The following LRRC1 variants were observed in gnomAD, a reference collection of about 807,000 sequenced individuals.
The protein encoded by LRRC1 is leucine-rich repeat-containing protein 1.
LRRC1 carries 28 observed loss-of-function variants against 69.9 expected under a neutral mutation model. That is an observed-to-expected ratio of 0.40 (90% CI 0.30 to 0.55). LRRC1 has a LOEUF of 0.55. Ranked by LOEUF, LRRC1 falls within the 20% of genes least tolerant of loss-of-function variation. LRRC1 has a pLI of 0.47. For synonymous variants in LRRC1, 236 were observed against 240.2 expected (o/e 0.98, Z 0.16); for missense variants, 498 against 609.0 (o/e 0.82, Z 1.92).
chr6:53,841,262 A>C (rs1765781223), intron 1 of LRRC1, among the ~76,000 whole-genome samples: 1 of 152,218 alleles, frequency 6.6e-6, no homozygotes, highest in Non-Finnish European at 1.5e-5. Context: ...AGAATATGGC[A>C]GTTTAACTGT....
chr6:53,874,264 G>A (rs1766992857), intron 2 of LRRC1, among the ~76,000 whole-genome samples: 2 of 151,948 alleles, frequency 1.3e-5, no homozygotes, highest in African/African-American at 4.8e-5. Flanking sequence ...TTATAAAAGG[G>A]CTACAGCCGA....
At chr6:53,824,129 T>G (rs923376670) in intron 1 of LRRC1, among the ~76,000 whole-genome samples, 4 of 152,156 alleles carry the variant, frequency 2.6e-5, no homozygotes, top group Non-Finnish European at 5.9e-5. Context: ...TGTTCCTTTT[T>G]TTTTTTTACA....
intron 1 of LRRC1, among the ~76,000 whole-genome samples, chr6:53,818,034 C>T (rs1765002669): frequency 6.6e-6 from 1 of 152,174 alleles, no homozygotes; most frequent in Non-Finnish European, 1.5e-5. Flanking sequence ...GACATGAATA[C>T]AGCACAAAAG....
chr6:53,896,798 C>T (rs756832989), intron 5 of LRRC1, 31 bp from the exon 6 acceptor site: 2 of 1,404,134 alleles, frequency 1.4e-6, no homozygotes, highest in East Asian at 2.3e-5. Flanking sequence ...TAAGTATTCT[C>T]TAAGTGCTCT....
intron 1 of LRRC1, among the ~76,000 whole-genome samples, chr6:53,807,977 C>T (rs1764683302): frequency 1.3e-5 from 2 of 152,170 alleles, no homozygotes; most frequent in Admixed American, 1.3e-4. Context: ...GAGCCCTTGG[C>T]ATGGGCAGTA....
intron 1 of LRRC1, among the ~76,000 whole-genome samples, chr6:53,800,155 A>G (rs1022837333): frequency 1.3e-5 from 2 of 152,190 alleles, no homozygotes; most frequent in Non-Finnish European, 2.9e-5. Context: ...GTAAAGCACT[A>G]AAAGTGTCAG....
intron 1 of LRRC1, among the ~76,000 whole-genome samples, chr6:53,832,881 A>T (rs1765469441): frequency 6.6e-6 from 1 of 152,176 alleles, no homozygotes. Context: ...TACTGTACAT[A>T]TATACAATTT....
intron 2 of LRRC1, among the ~76,000 whole-genome samples, chr6:53,853,275 G>A (rs1766197901): frequency 6.9e-6 from 1 of 144,684 alleles, no homozygotes; most frequent in Non-Finnish European, 1.5e-5. Context: ...AATAACAGGT[G>A]GTTCATATTT....
intron 4 of LRRC1, among the ~76,000 whole-genome samples, chr6:53,886,088 C>T (rs1244710782): frequency 6.6e-6 from 1 of 152,114 alleles, no homozygotes; most frequent in Non-Finnish European, 1.5e-5. Context: ...AAAAATTATA[C>T]ATATAAGTGG....
intron 13 of LRRC1, among the ~76,000 whole-genome samples, chr6:53,921,243 C>G (rs997513283): frequency 1.3e-5 from 2 of 152,264 alleles, no homozygotes; most frequent in African/African-American, 4.8e-5. Flanking sequence ...GCTGGGACTA[C>G]AGGCATGAGC....
chr6:53,901,714 C>A (rs1768062582), intron 8 of LRRC1, among the ~76,000 whole-genome samples: 1 of 152,146 alleles, frequency 6.6e-6, no homozygotes, highest in African/African-American at 2.4e-5. Flanking sequence ...ATTCAGCATA[C>A]CCTGCAGAAA....
chr6:53,800,507 C>T (rs1228052948), intron 1 of LRRC1, among the ~76,000 whole-genome samples: 1 of 151,724 alleles, frequency 6.6e-6, no homozygotes, highest in South Asian at 2.1e-4. Context: ...CTGCCTCCGT[C>T]TCCTAAAGTT....
chr6:53,795,174 C>G lies in LRRC1; in HGVS notation c.-83C>G, dbSNP rs1282728657. ...CAACGAGCGCGGAGAGGGCAGCGGA[C>G]TGAGCGGAGCCGCCGGCCAGAGCGG... On this transcript the variant is annotated 5_prime_UTR_variant, in exon 1 of 14. Transcript: ENST00000370888. The G allele has an allele frequency of 7.8e-7, 1 of 1,287,256 alleles. No individual in the cohort carries two copies. The highest frequency in any genetic ancestry group is 1.0e-6 in the Non-Finnish European group (1 of 954,030). The allele number at this position is 1,287,256 out of a possible 1,614,324, so 79.7% of individuals were successfully genotyped here. A position where few individuals can be genotyped will look rare whatever the true frequency, so the allele number is the denominator to read the frequency against.
intron 1 of LRRC1, among the ~76,000 whole-genome samples, chr6:53,817,334 A>G (rs1300745695): frequency 2.0e-5 from 3 of 152,156 alleles, no homozygotes; most frequent in Non-Finnish European, 2.9e-5. Context: ...TTATAGTTGT[A>G]TATATTTGTG....
chr6:53,891,948 C>T (rs140885925), intron 4 of LRRC1, among the ~76,000 whole-genome samples: 31,202 of 149,378 alleles, frequency 0.21, 3,947 homozygotes, highest in East Asian at 0.59. Context: ...GCCAAGATCA[C>T]ACCACTGCAC....
chr6:53,850,828 T>A (rs1354078043), intron 2 of LRRC1, among the ~76,000 whole-genome samples: 1 of 152,218 alleles, frequency 6.6e-6, no homozygotes, highest in Non-Finnish European at 1.5e-5. Context: ...CCAGGCTTCT[T>A]TCTTCTTGTG....
At chr6:53,871,769 G>T (rs888635836) in intron 2 of LRRC1, among the ~76,000 whole-genome samples, 2 of 152,134 alleles carry the variant, frequency 1.3e-5, no homozygotes, top group African/African-American at 2.4e-5. Flanking sequence ...CCAGGTTCAA[G>T]CGATTCTCCC....
intron 1 of LRRC1, among the ~76,000 whole-genome samples, chr6:53,829,130 A>G (rs1271252306): frequency 6.6e-6 from 1 of 152,180 alleles, no homozygotes; most frequent in Non-Finnish European, 1.5e-5. Flanking sequence ...TCCACAGTGC[A>G]CCTTCTTTGC....
At chr6:53,902,526 CTG>C (rs1473031660) in intron 8 of LRRC1, 101 bp from the exon 9 acceptor site, 2 of 611,294 alleles carry the variant, frequency 3.3e-6, no homozygotes, top group East Asian at 5.7e-5. Flanking sequence ...AAATAAGTAA[CTG>C]TTTAAAACAA....
Sources: allele counts gnomAD v4.1 joint callset (sites outside exome capture counted in the v4.1 genomes callset), GRCh38; gene constraint gnomAD v4.1.1; transcripts MANE v1.5; gene names NCBI Gene and HGNC (gene_info 2026-07-23, HGNC 2026-07-21).